RBFOX3: variants seen among roughly 807,000 people sequenced by gnomAD.
RBFOX3 encodes RNA binding fox-1 homolog 3, also known as RNA binding protein fox-1 homolog 3.
A neutral mutation model predicts 48.7 loss-of-function variants in RBFOX3; 17 were observed. That is an observed-to-expected ratio of 0.35 (90% confidence interval 0.24 to 0.52). The LOEUF is 0.52. RBFOX3 is among the 20% of genes least tolerant of loss of function. The pLI, the probability that RBFOX3 is intolerant of heterozygous loss-of-function variation, is 0.94. For synonymous variants in RBFOX3, 212 were observed against 209.5 expected, an observed-to-expected ratio of 1.01 and a Z score of -0.10; for missense variants, 382 against 497.5, an observed-to-expected ratio of 0.77 and a Z score of 2.21.
At chr17:79,546,513 C>T (rs2090450832) in intron 1 of RBFOX3, among the ~76,000 whole-genome samples, 1 of 148,508 alleles carries the variant, frequency 6.7e-6, no homozygotes, top group Non-Finnish European at 1.5e-5. Flanking sequence ...GTAGCCCCCT[C>T]CATGCCCATC....
chr17:79,531,853 C>T (rs2150088515), intron 1 of RBFOX3, among the ~76,000 whole-genome samples: 1 of 152,358 alleles, frequency 6.6e-6, no homozygotes, highest in South Asian at 2.1e-4. Flanking sequence ...CCGTGACTCA[C>T]CTTCATCTGG....
rs1568165317 is a variant in RBFOX3, at chr17:79,390,028, GGTCT to G, written c.-174-82208_-174-82205del. Reference sequence around the variant, plus strand: ...AGCCTCCAGGTCTCCGCAGCCTCCAGGTCTCCGTAGCCTCCAGGTCTCCGCAGCC... The same window carrying G: ...AGCCTCCAGGTCTCCGCAGCCTCCAGCCGTAGCCTCCAGGTCTCCGCAGCC... On this transcript the variant is annotated intron_variant, in intron 2 of 14. Transcript: ENST00000693108. This position sits in a 1 kb window ranked among gnomAD's most constrained non-coding sequence, Gnocchi z 4.2. Among the ~76,000 whole-genome samples the G allele has an allele frequency of 6.9e-5, 9 of 130,290 alleles. No individual in the cohort carries two copies. The highest frequency in any genetic ancestry group is 2.2e-4 in the East Asian group (1 of 4,480). The allele number at this position is 130,290 out of a possible 152,430, so 85.5% of individuals were successfully genotyped here. A position where few individuals can be genotyped will look rare whatever the true frequency, so the allele number is the denominator to read the frequency against.
rs2078145950 is a variant in RBFOX3, at chr17:79,477,721, C to T, written c.-175+4733G>A. 6.6e-6 allele frequency among the ~76,000 whole-genome samples: 1 copy of T among 152,254 alleles called. No homozygotes were observed. The highest frequency in any genetic ancestry group is 1.5e-5 in the Non-Finnish European group (1 of 68,010). On this transcript the variant is annotated intron_variant, in intron 2 of 14. Transcript: ENST00000693108. This position sits in a 1 kb window ranked among gnomAD's most constrained non-coding sequence, Gnocchi z 4.8. ...GCAGGGTGGCAGAATTAGGCAGGATCAGAATGAGGGACTGAAGTGGCTGAG... is the reference window on the plus strand; with the variant it reads ...GCAGGGTGGCAGAATTAGGCAGGATTAGAATGAGGGACTGAAGTGGCTGAG...
At chr17:79,510,903 A>G (rs1292394296) in intron 1 of RBFOX3, among the ~76,000 whole-genome samples, 4 of 152,156 alleles carry the variant, frequency 2.6e-5, no homozygotes, top group Non-Finnish European at 5.9e-5. Context: ...ACCCCCAAGC[A>G]GCAGCATCCT....
At chr17:79,143,868 A>G (rs115058818) in intron 4 of RBFOX3, among the ~76,000 whole-genome samples, 1 of 152,232 alleles carries the variant, frequency 6.6e-6, no homozygotes, top group Non-Finnish European at 1.5e-5. Flanking sequence ...CCTGGGCTCA[A>G]GCCAGGACAC....
chr17:79,280,211 A>C (rs1233716345), intron 3 of RBFOX3, among the ~76,000 whole-genome samples: 1 of 141,792 alleles, frequency 7.1e-6, no homozygotes, highest in East Asian at 2.1e-4. Flanking sequence ...CCACACACTC[A>C]CAAACATGCA....
At chr17:79,217,955 G>A (rs1042952847) in intron 4 of RBFOX3, among the ~76,000 whole-genome samples, 2 of 152,046 alleles carry the variant, frequency 1.3e-5, no homozygotes, top group Admixed American at 6.5e-5. Flanking sequence ...TCTGTGTTAC[G>A]AAGGTGAGAT....
chr17:79,182,974 C>T (rs1195971707), intron 4 of RBFOX3, among the ~76,000 whole-genome samples: 1 of 150,266 alleles, frequency 6.7e-6, no homozygotes, highest in African/African-American at 2.4e-5. Context: ...CGGGCTTCCC[C>T]GGAGACTCCG....
intron 4 of RBFOX3, among the ~76,000 whole-genome samples, chr17:79,206,871 C>T (rs2057571650): frequency 6.6e-6 from 1 of 152,212 alleles, no homozygotes; most frequent in South Asian, 2.1e-4. Context: ...CTTGGAACCA[C>T]TCCCCATCTC....
intron 1 of RBFOX3, among the ~76,000 whole-genome samples, chr17:79,543,644 C>G (rs2090018145): frequency 6.6e-6 from 1 of 152,190 alleles, no homozygotes; most frequent in Non-Finnish European, 1.5e-5. Flanking sequence ...GATAAACAAA[C>G]AGCGAGCGAG....
intron 2 of RBFOX3, among the ~76,000 whole-genome samples, chr17:79,438,093 G>A (rs1345927469): frequency 1.3e-5 from 1 of 76,706 alleles, no homozygotes; most frequent in Non-Finnish European, 2.6e-5. Flanking sequence ...CACACACACA[G>A]GTGCACAGGC....
intron 1 of RBFOX3, among the ~76,000 whole-genome samples, chr17:79,516,888 C>T (rs1456839774): frequency 2.0e-5 from 3 of 151,994 alleles, no homozygotes; most frequent in African/African-American, 7.2e-5. Flanking sequence ...CACAAAAGGT[C>T]GGATGTCGTA....
rs184831225 is a variant in RBFOX3, at chr17:79,443,376, A to G, written c.-175+39078T>C. Reference sequence around the variant, plus strand: ...CACACACAAATGCACACTCACATACACCCTTGCCTCTTTTTTTTTTCTTTT... The same window carrying G: ...CACACACAAATGCACACTCACATACGCCCTTGCCTCTTTTTTTTTTCTTTT... On this transcript the variant is annotated intron_variant, in intron 2 of 14. Transcript: ENST00000693108. The surrounding 1 kb of genome is among the most constrained non-coding windows in gnomAD (Gnocchi z 4.4). 1.0e-4 allele frequency among the ~76,000 whole-genome samples: 15 copies of G among 148,188 alleles called. No individual in the cohort carries two copies. The East Asian group carries it at 1.8e-3, about 18-fold the overall frequency.
chr17:79,350,537 C>G (rs1051357308), intron 2 of RBFOX3, among the ~76,000 whole-genome samples: 1 of 152,212 alleles, frequency 6.6e-6, no homozygotes, highest in African/African-American at 2.4e-5. Flanking sequence ...CAGTGAAAGT[C>G]TACATCCCAG....
chr17:79,419,308 C>T (rs1012110364), intron 2 of RBFOX3, among the ~76,000 whole-genome samples: 1 of 152,220 alleles, frequency 6.6e-6, no homozygotes, highest in South Asian at 2.1e-4. Context: ...TCTCCTGTGC[C>T]AACCTTTCTC....
At chr17:79,358,453 T>G (rs183454119) in intron 2 of RBFOX3, among the ~76,000 whole-genome samples, 1 of 152,138 alleles carries the variant, frequency 6.6e-6, no homozygotes, top group African/African-American at 2.4e-5. Context: ...CCTCTCATTT[T>G]TCTTTTCTTT....
At chr17:79,602,185 C>T (rs1050579378) in intron 1 of RBFOX3, 1 of 152,234 alleles carries the variant, frequency 6.6e-6, no homozygotes, top group African/African-American at 2.4e-5. Context: ...GGGTAACAGG[C>T]TCCCCCATCA....
chr17:79,300,086 T>C (rs1016471139), intron 3 of RBFOX3, among the ~76,000 whole-genome samples: 3 of 152,162 alleles, frequency 2.0e-5, no homozygotes, highest in Non-Finnish European at 4.4e-5. Context: ...GTATTTTTAG[T>C]AGAGATGGTG....
chr17:79,463,633 TGCCACC>T (rs1484188971), intron 2 of RBFOX3, among the ~76,000 whole-genome samples: 25 of 101,804 alleles, frequency 2.5e-4, no homozygotes, highest in African/African-American at 7.3e-4. Flanking sequence ...CCACCGCCAC[TGCCACC>T]GCCACCTCCA....
Sources: allele counts gnomAD v4.1 joint callset (sites outside exome capture counted in the v4.1 genomes callset), GRCh38; gene constraint gnomAD v4.1.1; non-coding constraint Gnocchi (gnomAD v3.1); transcripts MANE v1.5; gene names NCBI Gene and HGNC (gene_info 2026-07-23, HGNC 2026-07-21).